Variants in USP8 observed in about 807,000 individuals in gnomAD.
USP8 encodes ubiquitin carboxyl-terminal hydrolase 8.
USP8 carries 27 observed loss-of-function variants against 130.0 expected under a neutral mutation model. The observed-to-expected ratio is 0.21, with a 90% CI of 0.15 to 0.29. The LOEUF (loss-of-function observed/expected upper bound fraction) is 0.29. Among genes scored for constraint, USP8 ranks in the 10% least tolerant of loss-of-function variants. The pLI, the probability that USP8 is intolerant of heterozygous loss-of-function variation, is 1.00. For missense variants in USP8, 1,029 were observed against 1,312.2 expected (o/e 0.78, Z 3.33); for synonymous variants, 392 against 444.1 (o/e 0.88, Z 1.48).
Position 50,505,403 on chromosome 15 carries a change from A to G in USP8, c.*6315A>G, listed in dbSNP as rs531577651. On this transcript the variant is annotated 3_prime_UTR_variant, in exon 20 of 20. Transcript: ENST00000307179. ...AAATAATAGAGAAAAATAACTGTCA[A>G]TCTGGAATTTGATTTCTAGTTATCA... 7.2e-5 allele frequency: 11 copies of G among 152,344 alleles called. No homozygotes were observed. The highest frequency in any genetic ancestry group is 6.2e-4 in the South Asian group (3 of 4,828). The allele number at this position is 152,344 out of a possible 1,614,324, so 9.4% of individuals were successfully genotyped here. A position where few individuals can be genotyped will look rare whatever the true frequency, so the allele number is the denominator to read the frequency against.
chr15:50,441,738 C>G (rs1178974761), intron 3 of USP8, among the ~76,000 whole-genome samples: 1 of 152,058 alleles, frequency 6.6e-6, no homozygotes, highest in Non-Finnish European at 1.5e-5. Context: ...CATACAGATT[C>G]ATAATTTTTT....
rs1387843457 is a variant in USP8, at chr15:50,509,610, T to A, written c.*10522T>A. 6.6e-6 allele frequency: 1 copy of A among 152,088 alleles called. No homozygotes were observed. Among genetic ancestry groups the A allele is most frequent in the Non-Finnish European group, 1.5e-5 (1 of 68,054 alleles). 9.4% of individuals were successfully genotyped at this position (152,088 alleles called of 1,614,324 possible). On this transcript the variant is annotated 3_prime_UTR_variant, in exon 20 of 20. Transcript: ENST00000307179. ...TTGCCGTGAGCTGAGATCGTGCCAT[T>A]GCACTCCAGCCTGGGCGACAGAGCG...
At chr15:50,477,611 G>T in intron 10 of USP8, 112 bp downstream of exon 10, 1 of 985,630 alleles carries the variant, frequency 1.0e-6, no homozygotes, top group South Asian at 1.7e-5. Context: ...AGGCTGAGAG[G>T]GGCAGATCAC....
At chr15:50,461,749 A>G (rs903954328) in intron 5 of USP8, among the ~76,000 whole-genome samples, 1 of 151,970 alleles carries the variant, frequency 6.6e-6, no homozygotes, top group Non-Finnish European at 1.5e-5. Flanking sequence ...GCTACTCAGG[A>G]GGCTGAGGCA....
intron 6 of USP8, 78 bp downstream of exon 6, chr15:50,462,400 A>C: frequency 7.8e-7 from 1 of 1,285,046 alleles, no homozygotes; most frequent in Non-Finnish European, 1.1e-6. Context: ...CAGGTTTTAT[A>C]CAATGAGATT....
At chr15:50,439,886 G>A (rs1486702514) in intron 2 of USP8, among the ~76,000 whole-genome samples, 2 of 151,604 alleles carry the variant, frequency 1.3e-5, no homozygotes, top group East Asian at 1.9e-4. Flanking sequence ...TCAGGAGTTC[G>A]ATACCAGCCT....
intron 3 of USP8, among the ~76,000 whole-genome samples, chr15:50,446,842 T>C (rs2050459272): frequency 6.6e-6 from 1 of 152,176 alleles, no homozygotes; most frequent in Non-Finnish European, 1.5e-5. Flanking sequence ...CATGGCTCCC[T>C]AAAGCCTTGA....
At chr15:50,467,129 T>G (rs550646294) in intron 7 of USP8, 1 of 348,268 alleles carries the variant, frequency 2.9e-6, no homozygotes, top group African/African-American at 2.1e-5. Context: ...TGATTACTGG[T>G]TGTTAAAAAT....
intron 4 of USP8, among the ~76,000 whole-genome samples, chr15:50,456,465 C>G (rs773872829): frequency 6.6e-6 from 1 of 151,038 alleles, no homozygotes; most frequent in Non-Finnish European, 1.5e-5. Flanking sequence ...CCCAGCCACT[C>G]GAGAGGCGGA....
chr15:50,437,137 A>G (rs2050115566), intron 1 of USP8, among the ~76,000 whole-genome samples: 1 of 152,152 alleles, frequency 6.6e-6, no homozygotes, highest in South Asian at 2.1e-4. Flanking sequence ...TGTTATGCTC[A>G]TATTATTTCT....
intron 8 of USP8, among the ~76,000 whole-genome samples, chr15:50,474,999 C>G (rs1032798667): frequency 3.3e-5 from 5 of 152,066 alleles, no homozygotes; most frequent in South Asian, 2.1e-4. Context: ...ATCCCAGGTA[C>G]TGAGGAGGCT....
chr15:50,426,278 G>A (rs906284065), intron 1 of USP8, among the ~76,000 whole-genome samples: 1 of 152,042 alleles, frequency 6.6e-6, no homozygotes, highest in Non-Finnish European at 1.5e-5. Context: ...CATATTTATG[G>A]AAGTGAAAGG....
chr15:50,472,034 G>C (rs1379737316), intron 8 of USP8, among the ~76,000 whole-genome samples: 1 of 151,506 alleles, frequency 6.6e-6, no homozygotes, highest in African/African-American at 2.4e-5. Context: ...CTGAGTAGCT[G>C]GGACTGCAGG....
intron 10 of USP8, 97 bp downstream of exon 10, chr15:50,477,596 T>C: frequency 8.5e-7 from 1 of 1,176,106 alleles, no homozygotes; most frequent in Non-Finnish European, 1.2e-6. Context: ...TCCCAGCACT[T>C]TGGGAGGCTG....
Position 50,480,832 on chromosome 15 carries a change from A to G in USP8, c.1219-649A>G, listed in dbSNP as rs1381529453. On this transcript the variant is annotated intron_variant, in intron 10 of 19. Coordinates refer to ENST00000307179, the MANE Select transcript of USP8 (RefSeq NM_005154.5). The stretch of plus-strand genomic sequence containing the variant: ...AGAAACAGATTGGGGGGCGGGGGCA[A>G]GAGAAGAGATGGGCAACTAGTTGAA... 3.9e-5 allele frequency among the ~76,000 whole-genome samples: 6 copies of G among 152,028 alleles called. No individual in the cohort carries two copies. In the South Asian group the frequency reaches 1.2e-3, roughly 32 times the overall value.
chr15:50,485,550 A>ATTTTTTTTTTTTTTTGTTTTTT (rs2051928551), intron 12 of USP8, among the ~76,000 whole-genome samples: 1 of 27,926 alleles, frequency 3.6e-5, no homozygotes, highest in Non-Finnish European at 6.6e-5. Context: ...CAGTTTAGTG[A>ATTTTTTTTTTTTTTTGTTTTTT]TTTTTTTTTT....
intron 16 of USP8, among the ~76,000 whole-genome samples, 157 bp downstream of exon 16, chr15:50,494,437 T>C (rs1305815259): frequency 3.9e-5 from 6 of 152,242 alleles, no homozygotes; most frequent in Non-Finnish European, 7.3e-5. Context: ...CAGGTAAGTG[T>C]AATATTTGAA....
In USP8 at chr15:50,496,346, T is replaced by G. The variant is rs555803802; in HGVS notation, c.2895+262T>G. On this transcript the variant is annotated intron_variant, in intron 17 of 19. Transcript: ENST00000307179. ...AATACAAAAAATTAGCCGGGCGTGGTGGTGGGCACCTGTAGTCCCCGCTAC... is the reference window on the plus strand; with the variant it reads ...AATACAAAAAATTAGCCGGGCGTGGGGGTGGGCACCTGTAGTCCCCGCTAC... Among the ~76,000 whole-genome samples, 4 of 152,114 alleles carry G rather than the reference T, an allele frequency of 2.6e-5. No individual in the cohort carries two copies. In the South Asian group the frequency reaches 8.3e-4, roughly 32 times the overall value.
chr15:50,426,960 C>CT (rs5812516), intron 1 of USP8: 48,906 of 143,086 alleles, frequency 0.34, 9,326 homozygotes, highest in Admixed American at 0.48. Flanking sequence ...TCTTCTTCTT[C>CT]TTTTTTTTTT....
Sources: allele counts gnomAD v4.1 joint callset (sites outside exome capture counted in the v4.1 genomes callset), GRCh38; gene constraint gnomAD v4.1.1; transcripts MANE v1.5; gene names NCBI Gene and HGNC (gene_info 2026-07-23, HGNC 2026-07-21).